Variants in KSR1 observed in about 807,000 individuals in gnomAD.
KSR1 encodes kinase suppressor of ras.
KSR1 carries 35 observed loss-of-function variants against 92.9 expected under a neutral mutation model. The ratio of observed to expected loss-of-function variants is 0.38; its 90% CI spans 0.29 to 0.50. The LOEUF (loss-of-function observed/expected upper bound fraction) is 0.50. Among genes scored for constraint, KSR1 ranks in the 20% least tolerant of loss-of-function variants. The pLI, the probability that KSR1 is intolerant of heterozygous loss-of-function variation, is 0.94. For synonymous variants in KSR1, 467 were observed against 472.6 expected (o/e 0.99, Z 0.15); for missense variants, 972 against 1,158.5 (o/e 0.84, Z 2.34).
chr17:27,511,435 A>G (rs912698954), intron 1 of KSR1, among the ~76,000 whole-genome samples: 2 of 152,326 alleles, frequency 1.3e-5, no homozygotes, highest in East Asian at 1.9e-4. Context: ...GAAACTGAAC[A>G]GTGCCAGAAG....
At chr17:27,473,408 T>A (rs976252855) in intron 1 of KSR1, among the ~76,000 whole-genome samples, 24 of 152,116 alleles carry the variant, frequency 1.6e-4, no homozygotes, top group African/African-American at 5.3e-4. Flanking sequence ...CAGGATGAAG[T>A]AACAGAGCGT....
intron 1 of KSR1, among the ~76,000 whole-genome samples, chr17:27,523,524 G>A (rs2070128479): frequency 3.3e-5 from 5 of 152,220 alleles, no homozygotes; most frequent in African/African-American, 4.8e-5. Flanking sequence ...TCCAGATAGT[G>A]AATGTTGATG....
chr17:27,610,118 T>A lies in KSR1; in HGVS notation c.2277T>A (p.Pro759=). 1 of 1,613,902 alleles carries A rather than the reference T, an allele frequency of 6.2e-7. No homozygotes were observed. Among genetic ancestry groups the A allele is most frequent in the Non-Finnish European group, 8.5e-7 (1 of 1,179,790 alleles). Residue 759 remains proline (P), a synonymous_variant, in exon 17 of 21, where the codon CCT becomes CCA. Transcript: ENST00000644974. The part of the protein sequence containing the change: ...LSHDWLCYLA[P]EIVREMTPGK... ...ACGACTGGCTGTGCTATCTGGCCCC[T>A]GAGATTGTACGCGAGATGACCCCCG...
At chr17:27,464,539 A>G (rs1224467363) in intron 1 of KSR1, among the ~76,000 whole-genome samples, 5 of 152,066 alleles carry the variant, frequency 3.3e-5, no homozygotes, top group Admixed American at 2.0e-4. Context: ...TGAACAACAT[A>G]GTGAGACCCT....
chr17:27,614,118 T>C (rs2073994253), intron 18 of KSR1, among the ~76,000 whole-genome samples: 2 of 152,234 alleles, frequency 1.3e-5, no homozygotes, highest in South Asian at 4.1e-4. Context: ...TTTAAAAAAA[T>C]ATTTAAGACA....
chr17:27,605,846 C>T, intron 14 of KSR1, 33 bp downstream of exon 14: 1 of 1,608,222 alleles, frequency 6.2e-7, no homozygotes, highest in Non-Finnish European at 8.5e-7. Flanking sequence ...TGCTGGATGG[C>T]CAGCTCAGCC....
rs2069390739 is a variant in KSR1, at chr17:27,506,582, G to T, written c.232-43986G>T. 2.0e-5 allele frequency among the ~76,000 whole-genome samples: 3 copies of T among 152,142 alleles called. 1 individual carries two copies. The South Asian group carries it at 6.2e-4, about 32-fold the overall frequency. ...ATCTCTGGAGAGAGCAGACTTGCGG[G>T]CCGGCAGCTGGGAGTCCCCTGGAGT... On this transcript the variant is annotated intron_variant, in intron 1 of 20. Coordinates refer to ENST00000644974, the MANE Select transcript of KSR1 (RefSeq NM_001394583.1).
intron 1 of KSR1, among the ~76,000 whole-genome samples, chr17:27,481,402 T>C (rs923976554): frequency 2.0e-5 from 3 of 152,312 alleles, no homozygotes; most frequent in African/African-American, 7.2e-5. Flanking sequence ...TAATTCTGTC[T>C]CTCATGGGCC....
At chr17:27,563,532 C>T (rs2071921905) in intron 2 of KSR1, among the ~76,000 whole-genome samples, 1 of 152,110 alleles carries the variant, frequency 6.6e-6, no homozygotes. Context: ...GTGGGGATTA[C>T]AGGCACGAGC....
At chr17:27,604,032 A>G in intron 12 of KSR1, 144 bp downstream of exon 12, 1 of 806,394 alleles carries the variant, frequency 1.2e-6, no homozygotes, top group Admixed American at 2.2e-5. Flanking sequence ...CCTCTGGGCA[A>G]GTGAACTCCA....
chr17:27,468,345 C>T (rs2019808733), intron 1 of KSR1, among the ~76,000 whole-genome samples: 1 of 152,062 alleles, frequency 6.6e-6, no homozygotes, highest in Non-Finnish European at 1.5e-5. Flanking sequence ...AAACAATTCT[C>T]CTGCCTCTGC....
chr17:27,537,193 C>T (rs1243254142), intron 1 of KSR1, among the ~76,000 whole-genome samples: 3 of 152,202 alleles, frequency 2.0e-5, no homozygotes, highest in Non-Finnish European at 4.4e-5. Flanking sequence ...GTTGTATTCC[C>T]AAACACTCAG....
At chr17:27,545,512 C>CCCAT (rs753829205) in intron 1 of KSR1, among the ~76,000 whole-genome samples, 9 of 152,174 alleles carry the variant, frequency 5.9e-5, no homozygotes, top group Admixed American at 3.9e-4. Flanking sequence ...ATGGCAAGAC[C>CCCAT]CCATCTCTAT....
chr17:27,480,895 CGT>C, intron 1 of KSR1, among the ~76,000 whole-genome samples: 1 of 152,262 alleles, frequency 6.6e-6, no homozygotes, highest in Admixed American at 6.5e-5. Context: ...TAGTCGCATG[CGT>C]GTGTGTTTTC....
chr17:27,567,907 C>A (rs1192382277), intron 2 of KSR1, among the ~76,000 whole-genome samples: 3 of 152,212 alleles, frequency 2.0e-5, no homozygotes, highest in African/African-American at 7.2e-5. Context: ...CCCTAAGTTC[C>A]CTTTGGAGCC....
At chr17:27,506,758 C>G (rs1214761979) in intron 1 of KSR1, among the ~76,000 whole-genome samples, 1 of 149,272 alleles carries the variant, frequency 6.7e-6, no homozygotes, top group Non-Finnish European at 1.5e-5. Flanking sequence ...CTTTGGGCTC[C>G]GCAGGTGTCA....
At chr17:27,485,263 G>A (rs2068631842) in intron 1 of KSR1, among the ~76,000 whole-genome samples, 1 of 152,236 alleles carries the variant, frequency 6.6e-6, no homozygotes, top group Non-Finnish European at 1.5e-5. Context: ...TGGGTCACCA[G>A]GACCCTTGGT....
intron 18 of KSR1, among the ~76,000 whole-genome samples, chr17:27,617,018 C>G (rs936037114): frequency 2.0e-5 from 3 of 152,204 alleles, no homozygotes; most frequent in Non-Finnish European, 4.4e-5. Context: ...TTTCCCATTG[C>G]TGGTGTGTTC....
chr17:27,493,772 AT>A (rs1484437034), intron 1 of KSR1, among the ~76,000 whole-genome samples: 5 of 152,112 alleles, frequency 3.3e-5, no homozygotes, highest in African/African-American at 1.2e-4. Flanking sequence ...AAAGGAAATA[AT>A]GGGGTCGTGA....
Sources: allele counts gnomAD v4.1 joint callset (sites outside exome capture counted in the v4.1 genomes callset), GRCh38; gene constraint gnomAD v4.1.1; transcripts MANE v1.5; gene names NCBI Gene and HGNC (gene_info 2026-07-23, HGNC 2026-07-21).